The following PTPN3 variants were observed in gnomAD, a reference collection of about 807,000 sequenced individuals.
PTPN3 encodes the protein tyrosine-protein phosphatase non-receptor type 3.
In PTPN3, 96 loss-of-function variants were observed where a neutral mutation model predicts 132.7. The ratio of observed to expected loss-of-function variants is 0.72; its 90% CI spans 0.61 to 0.86. PTPN3 has a LOEUF of 0.86. PTPN3 is among the 40% of genes least tolerant of loss of function. The probability of loss-of-function intolerance (pLI) is 0.00; values close to 1 mark genes in which losing one functional copy is unlikely to be tolerated. For synonymous variants in PTPN3, 398 were observed against 429.0 expected, an observed-to-expected ratio of 0.93 and a Z score of 0.89; for missense variants, 1,125 against 1,159.6, an observed-to-expected ratio of 0.97 and a Z score of 0.43.
At chr9:109,508,957 G>A in the PTPN3 span, among the ~76,000 whole-genome samples, 3 of 152,176 alleles carry the variant, frequency 2.0e-5, no homozygotes, top group Non-Finnish European at 4.4e-5. Context: ...GCTTTGGGAG[G>A]TCGAGGTGGG....
In PTPN3 at chr9:109,406,498, G is replaced by A. The variant is rs757229146; in HGVS notation, c.1756C>T (p.His586Tyr). 1 of 1,614,046 alleles carries A rather than the reference G, an allele frequency of 6.2e-7. No homozygotes were observed. Among genetic ancestry groups the A allele is most frequent in the Non-Finnish European group, 8.5e-7 (1 of 1,180,014 alleles). Residue 586 changes from histidine (H) to tyrosine (Y), a missense_variant, in exon 18 of 26, where the codon CAC (histidine) becomes TAC (tyrosine). Transcript: ENST00000374541. ...ATCACCAGGGCCAGCTCCCGTGAGT[G>A]GGACTCCCGGCTGGCTTTGATGAAC... ...VMFIKASRESHSRELALVIRR... is the reference protein window; with the variant it reads ...VMFIKASRESYSRELALVIRR...
At chr9:109,402,587 C>A (rs1841231104) in intron 19 of PTPN3, among the ~76,000 whole-genome samples, 1 of 152,068 alleles carries the variant, frequency 6.6e-6, no homozygotes, top group Non-Finnish European at 1.5e-5. Flanking sequence ...CCTACATTTT[C>A]TTCTTTTTAA....
At chr9:109,537,365 G>T in the PTPN3 span, among the ~76,000 whole-genome samples, 1 of 152,148 alleles carries the variant, frequency 6.6e-6, no homozygotes, top group Non-Finnish European at 1.5e-5. Context: ...TACTTGAATA[G>T]AATTGTCAAA....
chr9:109,428,534 T>C (rs1406250955), intron 11 of PTPN3, 87 bp downstream of exon 11: 20 of 1,395,710 alleles, frequency 1.4e-5, no homozygotes, highest in Non-Finnish European at 2.0e-5. Context: ...TCCCCTGAGC[T>C]CAGTTTGGGC....
At chr9:109,509,903 G>A in the PTPN3 span, among the ~76,000 whole-genome samples, 261 of 152,248 alleles carry the variant, frequency 1.7e-3, 5 homozygotes, top group Admixed American at 0.014. Context: ...GTGACCGTGG[G>A]AACATGTACA....
chr9:109,386,918 T>C (rs1839632031), intron 22 of PTPN3, among the ~76,000 whole-genome samples: 1 of 152,034 alleles, frequency 6.6e-6, no homozygotes, highest in African/African-American at 2.4e-5. Context: ...CTGCTGCTCC[T>C]GGAAGAGAAA....
At chr9:109,495,469 CTT>C (rs1250725427) in intron 1 of PTPN3, among the ~76,000 whole-genome samples, 1 of 152,178 alleles carries the variant, frequency 6.6e-6, no homozygotes, top group African/African-American at 2.4e-5. Context: ...GAAAATGTCT[CTT>C]GTGTGCCTGG....
At chr9:109,409,462 T>C (rs1841892899) in intron 16 of PTPN3, among the ~76,000 whole-genome samples, 1 of 152,118 alleles carries the variant, frequency 6.6e-6, no homozygotes, top group Non-Finnish European at 1.5e-5. Flanking sequence ...ATGAATCTAG[T>C]GGATAGCCAA....
the PTPN3 span, among the ~76,000 whole-genome samples, chr9:109,528,976 T>C: frequency 6.6e-6 from 1 of 152,234 alleles, no homozygotes; most frequent in Non-Finnish European, 1.5e-5. Context: ...TCTTTGACTT[T>C]AGAAATCTCT....
chr9:109,442,876 A>G (rs915847444), intron 7 of PTPN3, among the ~76,000 whole-genome samples: 9 of 152,192 alleles, frequency 5.9e-5, no homozygotes, highest in African/African-American at 2.2e-4. Context: ...ATATGGCTCC[A>G]GTCCAGTTCT....
chr9:109,534,388 G>T, the PTPN3 span: 1 of 1,461,626 alleles, frequency 6.8e-7, no homozygotes, highest in Non-Finnish European at 9.0e-7. Context: ...CTCCCGGGGT[G>T]TGATGGTAGC....
At chr9:109,402,286 CT>C (rs145827455) in intron 19 of PTPN3, among the ~76,000 whole-genome samples, 4,657 of 126,804 alleles carry the variant, frequency 0.037, 123 homozygotes, top group East Asian at 0.15. Flanking sequence ...TCTACATTTC[CT>C]TTTTTTTTTA....
Sources: gnomAD v4.1 joint callset for allele counts (sites outside exome capture counted in the v4.1 genomes callset) on GRCh38, gnomAD v4.1.1 for gene constraint, MANE v1.5 for transcripts, NCBI Gene and HGNC (gene_info 2026-07-23, HGNC 2026-07-21) for gene names.